Variants in PPM1L observed in about 807,000 individuals in gnomAD.
PPM1L encodes protein phosphatase, Mg2+/Mn2+ dependent 1L.
PPM1L carries 13 observed loss-of-function variants against 31.4 expected under a neutral mutation model. The ratio of observed to expected loss-of-function variants is 0.41; its 90% CI spans 0.27 to 0.66. The LOEUF (loss-of-function observed/expected upper bound fraction) is 0.66. PPM1L is among the 30% of genes least tolerant of loss of function. The probability of loss-of-function intolerance (pLI) is 0.29; values close to 1 mark genes in which losing one functional copy is unlikely to be tolerated. For missense variants in PPM1L, 326 were observed against 453.7 expected (o/e 0.72, Z 2.56); for synonymous variants, 184 against 175.4 (o/e 1.05, Z -0.39).
At chr3:160,962,050 C>A (rs1715984336) in intron 2 of PPM1L, 140 bp downstream of exon 2, 2 of 511,788 alleles carry the variant, frequency 3.9e-6, no homozygotes, top group South Asian at 5.0e-5. Flanking sequence ...TTCTTCTCTG[C>A]AGTTTTAGTC....
At chr3:160,869,926 C>T (rs1712241923) in intron 1 of PPM1L, among the ~76,000 whole-genome samples, 1 of 152,196 alleles carries the variant, frequency 6.6e-6, no homozygotes, top group Non-Finnish European at 1.5e-5. Flanking sequence ...TTAGTCTTGG[C>T]TTGTCCGTTG....
At chr3:160,974,646 G>T (rs1368984142) in intron 2 of PPM1L, among the ~76,000 whole-genome samples, 1 of 150,436 alleles carries the variant, frequency 6.6e-6, no homozygotes, top group East Asian at 1.9e-4. Flanking sequence ...TTTTTCATGT[G>T]TTTTTTGGCT....
At chr3:161,005,151 T>G (rs1318939498) in intron 2 of PPM1L, among the ~76,000 whole-genome samples, 22 of 152,222 alleles carry the variant, frequency 1.4e-4, no homozygotes, top group Admixed American at 1.4e-3. Context: ...ATTTCTGCCT[T>G]CATTTTGTTA....
intron 1 of PPM1L, among the ~76,000 whole-genome samples, chr3:160,888,202 T>C (rs1277226440): frequency 1.3e-5 from 2 of 152,100 alleles, no homozygotes; most frequent in Admixed American, 6.5e-5. Context: ...TAAATGTAAA[T>C]GGGCTAAATG....
chr3:161,006,093 A>T (rs1424852301), intron 2 of PPM1L, among the ~76,000 whole-genome samples: 1 of 152,238 alleles, frequency 6.6e-6, no homozygotes, highest in Non-Finnish European at 1.5e-5. Flanking sequence ...AAGAGCCATG[A>T]GGTCAAAACA....
At chr3:160,967,214 G>A (rs1405054531) in intron 2 of PPM1L, among the ~76,000 whole-genome samples, 1 of 152,008 alleles carries the variant, frequency 6.6e-6, no homozygotes, top group Non-Finnish European at 1.5e-5. Context: ...CTTCTGCTAT[G>A]ATTGTGAGGC....
At chr3:161,043,326 A>T (rs567808561) in intron 2 of PPM1L, among the ~76,000 whole-genome samples, 16 of 152,154 alleles carry the variant, frequency 1.1e-4, no homozygotes, top group African/African-American at 3.6e-4. Flanking sequence ...GGGGATTTCA[A>T]CCCACTTACA....
intron 2 of PPM1L, among the ~76,000 whole-genome samples, chr3:160,991,155 A>G (rs778648): frequency 0.63 from 95,373 of 151,760 alleles, 32,427 homozygotes; most frequent in East Asian, 0.98. Context: ...GTGTTAGGCC[A>G]CATTCAAAGT....
chr3:160,778,228 GT>G (rs757829795), intron 1 of PPM1L, among the ~76,000 whole-genome samples: 10 of 151,074 alleles, frequency 6.6e-5, no homozygotes, highest in East Asian at 3.9e-4. Context: ...TTTAAAATTA[GT>G]TTTTTTTTGT....
chr3:160,887,632 G>C (rs1037693093), intron 1 of PPM1L, among the ~76,000 whole-genome samples: 6 of 149,822 alleles, frequency 4.0e-5, no homozygotes, highest in African/African-American at 1.2e-4. Context: ...CCACGCTGGA[G>C]TGCAGTGGCG....
At chr3:160,856,394 T>C (rs1007577266) in intron 1 of PPM1L, among the ~76,000 whole-genome samples, 1 of 152,186 alleles carries the variant, frequency 6.6e-6, no homozygotes, top group Non-Finnish European at 1.5e-5. Context: ...AGCAAGGATG[T>C]GGAATCAACT....
intron 2 of PPM1L, among the ~76,000 whole-genome samples, chr3:161,048,870 A>T (rs1171457407): frequency 1.4e-5 from 2 of 144,202 alleles, no homozygotes; most frequent in Admixed American, 7.3e-5. Flanking sequence ...TATAAGTGGG[A>T]ATTGAACAAT....
At position 160,990,258 on chromosome 3, in the gene PPM1L, T is replaced by G. The variant is rs142918724; in HGVS notation, c.574+28348T>G. 4.0e-3 allele frequency among the ~76,000 whole-genome samples: 604 copies of G among 152,138 alleles called. 4 individuals carry two copies. The highest frequency in any genetic ancestry group is 0.013 in the African/African-American group (559 of 41,516). ...CGCAAATGATTCTCCCACCTCAGCC[T>G]CCCAAAGTGCTGGGATTACAGGGGT... On this transcript the variant is annotated intron_variant, in intron 2 of 3. Coordinates refer to ENST00000498165, the MANE Select transcript of PPM1L (RefSeq NM_139245.4).
At chr3:160,864,309 C>T (rs1447950006) in intron 1 of PPM1L, among the ~76,000 whole-genome samples, 1 of 152,090 alleles carries the variant, frequency 6.6e-6, no homozygotes, top group Non-Finnish European at 1.5e-5. Flanking sequence ...CCTCAGCCTC[C>T]TGAGTAGCTG....
chr3:161,035,143 G>A (rs1448765414), intron 2 of PPM1L, among the ~76,000 whole-genome samples: 2 of 151,408 alleles, frequency 1.3e-5, no homozygotes, highest in Non-Finnish European at 2.9e-5. Flanking sequence ...AAACCACCAC[G>A]GCACATGTAT....
chr3:160,980,836 G>A (rs1428790688), intron 2 of PPM1L, among the ~76,000 whole-genome samples: 1 of 151,968 alleles, frequency 6.6e-6, no homozygotes, highest in East Asian at 1.9e-4. Flanking sequence ...AGGAAGGAAA[G>A]ATATAATGTG....
intron 1 of PPM1L, among the ~76,000 whole-genome samples, chr3:160,857,902 T>G (rs1711766822): frequency 1.3e-5 from 2 of 152,230 alleles, no homozygotes. Context: ...TACTTAATCT[T>G]TTCTGCTTCC....
chr3:160,928,906 AT>A (rs2108077637), intron 1 of PPM1L, among the ~76,000 whole-genome samples: 1 of 152,232 alleles, frequency 6.6e-6, no homozygotes, highest in African/African-American at 2.4e-5. Flanking sequence ...TCTGTCGTAT[AT>A]TGTTATAGCA....
chr3:161,030,059 C>G (rs962457747), intron 2 of PPM1L, among the ~76,000 whole-genome samples: 23 of 152,170 alleles, frequency 1.5e-4, no homozygotes, highest in African/African-American at 5.5e-4. Context: ...CTGCTTCATG[C>G]CTGTCTCAGA....
Sources: gnomAD v4.1 joint callset for allele counts (sites outside exome capture counted in the v4.1 genomes callset) on GRCh38, gnomAD v4.1.1 for gene constraint, MANE v1.5 for transcripts, NCBI Gene and HGNC (gene_info 2026-07-23, HGNC 2026-07-21) for gene names.